The following RALB variants were observed in gnomAD, a reference collection of about 807,000 sequenced individuals.
RALB encodes RAS like proto-oncogene B.
RALB carries 16 observed loss-of-function variants against 21.3 expected under a neutral mutation model. The ratio of observed to expected loss-of-function variants is 0.75; its 90% confidence interval spans 0.51 to 1.14. RALB has a LOEUF of 1.14. RALB is among the 50% of genes most tolerant of loss of function. The pLI, the probability that RALB is intolerant of heterozygous loss-of-function variation, is 0.00. For synonymous variants in RALB, 93 were observed against 96.1 expected (o/e 0.97, Z 0.19); for missense variants, 161 against 256.2 (o/e 0.63, Z 2.54).
In RALB at chr2:120,271,552, C is replaced by G. The variant is rs1174877959; in HGVS notation, c.-47-7066C>G. ...AAGTTTCTTAAGATGGCACTTTAGGCCCATTTATAGACAGAGCTATCTTTG... is the reference window on the plus strand; with the variant it reads ...AAGTTTCTTAAGATGGCACTTTAGGGCCATTTATAGACAGAGCTATCTTTG... On this transcript the variant is annotated intron_variant, in intron 1 of 4. Coordinates refer to ENST00000272519, the MANE Select transcript of RALB (RefSeq NM_002881.3). 2.0e-5 allele frequency among the ~76,000 whole-genome samples: 3 copies of G among 152,182 alleles called. No homozygotes were observed. The East Asian group carries it at 5.8e-4, about 29-fold the overall frequency.
chr2:120,249,356 A>G (rs888076872), upstream of RALB, among the ~76,000 whole-genome samples: 7 of 152,140 alleles, frequency 4.6e-5, no homozygotes, highest in Non-Finnish European at 8.8e-5. Context: ...TTGTGTTGCT[A>G]TAAAGAAATA....
intron 1 of RALB, chr2:120,253,647 GCTGCGTCCACA>G (rs1353871644): frequency 1.0e-6 from 1 of 985,394 alleles, no homozygotes; most frequent in East Asian, 1.1e-4. Flanking sequence ...CGCGGAGCTT[GCTGCGTCCACA>G]CTGCTTGTGT....
intron 2 of RALB, among the ~76,000 whole-genome samples, chr2:120,281,707 G>A (rs1689993079): frequency 6.6e-6 from 1 of 152,156 alleles, no homozygotes; most frequent in Admixed American, 6.5e-5. Flanking sequence ...AAGAGAAGCA[G>A]GTTGGGAGAT....
Position 120,293,315 on chromosome 2 carries a change from TA to T in RALB, c.*58del. The stretch of plus-strand genomic sequence containing the variant: ...TCCTAAGGACACAGGGCTGGGTTGG[TA>T]AAGAGAAGGCTATGGTTGACTTCTT... On this transcript the variant is annotated 3_prime_UTR_variant, in exon 5 of 5. Coordinates refer to ENST00000272519, the MANE Select transcript of RALB (RefSeq NM_002881.3). 1 of 1,523,150 alleles carries T rather than the reference TA, an allele frequency of 6.6e-7. No individual in the cohort carries two copies. 94.4% of individuals were successfully genotyped at this position (1,523,150 alleles called of 1,614,324 possible).
chr2:120,285,235 C>G (rs763750691), intron 2 of RALB, among the ~76,000 whole-genome samples: 1 of 152,104 alleles, frequency 6.6e-6, no homozygotes, highest in Non-Finnish European at 1.5e-5. Flanking sequence ...CCTGTGAGAA[C>G]GAACTCACTA....
At chr2:120,263,948 A>G (rs1003798591) in intron 1 of RALB, among the ~76,000 whole-genome samples, 3 of 151,834 alleles carry the variant, frequency 2.0e-5, no homozygotes, top group African/African-American at 4.8e-5. Context: ...CCAGGGTTCT[A>G]GCGATTCTCC....
At chr2:120,288,721 G>T (rs1456638928) in intron 3 of RALB, among the ~76,000 whole-genome samples, 1 of 152,040 alleles carries the variant, frequency 6.6e-6, no homozygotes, top group Non-Finnish European at 1.5e-5. Flanking sequence ...AATATGCTAC[G>T]AGTAATGGTA....
At chr2:120,279,855 C>T (rs928556918) in intron 2 of RALB, among the ~76,000 whole-genome samples, 2 of 152,236 alleles carry the variant, frequency 1.3e-5, no homozygotes, top group Admixed American at 1.3e-4. Context: ...TGTCCTGCTT[C>T]CTCTTATGCT....
At chr2:120,243,426 C>T (rs1278903974) in intron 1 of RALB, among the ~76,000 whole-genome samples, 1 of 152,248 alleles carries the variant, frequency 6.6e-6, no homozygotes, top group Admixed American at 6.5e-5. Context: ...GGGCACATGC[C>T]ACTGGAGCCA....
intron 2 of RALB, among the ~76,000 whole-genome samples, chr2:120,281,545 C>T (rs1033630434): frequency 9.2e-5 from 14 of 152,178 alleles, no homozygotes; most frequent in African/African-American, 3.4e-4. Flanking sequence ...AAGCTTCAAA[C>T]CCAAACCTGG....
chr2:120,242,580 AAAACAAAAT>A (rs1334155773), intron 1 of RALB, among the ~76,000 whole-genome samples: 4 of 151,980 alleles, frequency 2.6e-5, no homozygotes, highest in African/African-American at 9.7e-5. Flanking sequence ...TAAAAATACA[AAAACAAAAT>A]TAGCCGGGCG....
upstream of RALB, among the ~76,000 whole-genome samples, chr2:120,251,822 G>C (rs910678402): frequency 1.3e-5 from 2 of 152,108 alleles, no homozygotes; most frequent in Non-Finnish European, 2.9e-5. Flanking sequence ...TTGTTAAGTT[G>C]GTCACTTAAG....
At chr2:120,245,128 C>T (rs1247739297) in intron 1 of RALB, among the ~76,000 whole-genome samples, 1 of 152,226 alleles carries the variant, frequency 6.6e-6, no homozygotes, top group African/African-American at 2.4e-5. Flanking sequence ...TCAGCATGGG[C>T]TCGTTGACTG....
At chr2:120,287,257 C>A (rs544502170) in intron 3 of RALB, among the ~76,000 whole-genome samples, 2 of 152,250 alleles carry the variant, frequency 1.3e-5, no homozygotes, top group African/African-American at 4.8e-5. Context: ...CCCAGCAGGG[C>A]TAGTGAAAGA....
At chr2:120,273,102 G>A (rs1318781218) in intron 1 of RALB, among the ~76,000 whole-genome samples, 1 of 152,206 alleles carries the variant, frequency 6.6e-6, no homozygotes, top group East Asian at 1.9e-4. Context: ...TGGTATTGCA[G>A]TAAAGAGAGT....
intron 3 of RALB, among the ~76,000 whole-genome samples, chr2:120,288,479 C>G (rs1397091234): frequency 6.6e-6 from 1 of 151,326 alleles, no homozygotes; most frequent in East Asian, 1.9e-4. Context: ...GCCACCACGC[C>G]TAGAAAATAT....
At chr2:120,286,393 A>G (rs1296584867) in intron 3 of RALB, among the ~76,000 whole-genome samples, 1 of 152,180 alleles carries the variant, frequency 6.6e-6, no homozygotes, top group African/African-American at 2.4e-5. Context: ...TCCTATAAAT[A>G]CTCAGAGATT....
chr2:120,249,498 A>T (rs916604487), upstream of RALB, among the ~76,000 whole-genome samples: 27 of 152,304 alleles, frequency 1.8e-4, no homozygotes, highest in African/African-American at 6.3e-4. Context: ...GTCATGGCGG[A>T]AGGCATAGTG....
At chr2:120,253,043 C>G (rs966624009) in intron 1 of RALB, 63 bp downstream of exon 1, 1 of 913,734 alleles carries the variant, frequency 1.1e-6, no homozygotes, top group Non-Finnish European at 1.3e-6. Context: ...GTGGGGTACG[C>G]CGCACGCCCG....
Sources: allele counts gnomAD v4.1 joint callset (sites outside exome capture counted in the v4.1 genomes callset), GRCh38; gene constraint gnomAD v4.1.1; transcripts MANE v1.5; gene names NCBI Gene and HGNC (gene_info 2026-07-23, HGNC 2026-07-21).